CLIP3: variants seen among roughly 807,000 people sequenced by gnomAD.
CLIP3 encodes the protein CAP-Gly domain-containing linker protein 3.
In CLIP3, 15 loss-of-function variants were observed where a neutral mutation model predicts 59.4. That is an observed-to-expected ratio of 0.25 (90% CI 0.17 to 0.39). The LOEUF (loss-of-function observed/expected upper bound fraction) is 0.39, where lower values mean the gene tolerates loss of function less well. Among genes scored for constraint, CLIP3 ranks in the 10% least tolerant of loss-of-function variants. CLIP3 has a pLI of 1.00. For missense variants in CLIP3, 495 were observed against 765.7 expected, an observed-to-expected ratio of 0.65 and a Z score of 4.17; for synonymous variants, 300 against 321.6, an observed-to-expected ratio of 0.93 and a Z score of 0.72.
At position 36,026,573 on chromosome 19, in the gene CLIP3, C is replaced by A. The variant is rs773126376; in HGVS notation, c.562+13G>T. On this transcript the variant is annotated intron_variant, in intron 5 of 13. Transcript: ENST00000360535. The surrounding 1 kb of genome is among the most constrained non-coding windows in gnomAD (Gnocchi z 6.3). Reference sequence around the variant, plus strand: ...GGTCCTTGCCCCCTCCCAGCCAGGGCTCTCCTCCTCACCTCGCGGCCTCGC... The same window carrying A: ...GGTCCTTGCCCCCTCCCAGCCAGGGATCTCCTCCTCACCTCGCGGCCTCGC... 1 of 1,612,898 alleles carries A rather than the reference C, an allele frequency of 6.2e-7. No individual in the cohort carries two copies.
At chr19:36,027,864 T>C (rs1474796646) in intron 2 of CLIP3, among the ~76,000 whole-genome samples, 1 of 150,710 alleles carries the variant, frequency 6.6e-6, no homozygotes, top group African/African-American at 2.4e-5. Flanking sequence ...GCAAGACCCC[T>C]GTCTTTACAA....
chr19:36,017,453 G>A lies in CLIP3; in HGVS notation c.1452-3C>T, dbSNP rs1312375036. ...GGGAATCAGTGGATCCGCCAATCCT[G>A]AGGAGACACGGGGAGGGGGAGAAGT... On this transcript the variant is annotated splice_polypyrimidine_tract_variant and splice_region_variant and intron_variant, in intron 11 of 13. Coordinates refer to ENST00000360535, the MANE Select transcript of CLIP3 (RefSeq NM_015526.3). 6 of 1,614,130 alleles carry A rather than the reference G, an allele frequency of 3.7e-6. No homozygotes were observed. The highest frequency in any genetic ancestry group is 5.1e-6 in the Non-Finnish European group (6 of 1,180,016).
chr19:36,031,023 C>CTTT lies in CLIP3; in HGVS notation c.166+1166_166+1168dup, dbSNP rs55762943. 1.3e-3 allele frequency among the ~76,000 whole-genome samples: 108 copies of CTTT among 80,186 alleles called. 7 individuals carry two copies. Among genetic ancestry groups the CTTT allele is most frequent in the Middle Eastern group, 0.015 (2 of 130 alleles). 52.6% of individuals were successfully genotyped at this position (80,186 alleles called of 152,430 possible). A position where few individuals can be genotyped will look rare whatever the true frequency, so the allele number is the denominator to read the frequency against. On this transcript the variant is annotated intron_variant, in intron 2 of 13. Coordinates refer to ENST00000360535, the MANE Select transcript of CLIP3 (RefSeq NM_015526.3). ...TTTTTCTTTTCTTTTTTTTTTTTTT[C>CTTT]TTTTTTTTTTTTTTTTTTGAGACAG...
At chr19:36,024,279 G>A in intron 7 of CLIP3, 117 bp downstream of exon 7, 1 of 794,614 alleles carries the variant, frequency 1.3e-6, no homozygotes. Context: ...TGGATAGTTA[G>A]GGCGGCAAGT....
intron 7 of CLIP3, 65 bp from the exon 8 acceptor site, chr19:36,019,371 A>G: frequency 6.4e-7 from 1 of 1,550,566 alleles, no homozygotes; most frequent in Non-Finnish European, 8.7e-7. Context: ...GAGTGCCCAC[A>G]CACGGGCAGC....
rs1968767990 is a variant in CLIP3 at position 36,015,381 on chromosome 19, T to C, written c.*777A>G. ...AAGGGGGAAGTCGTTACTTAAAAAA[T>C]AGAGAATTTTCTGGGAGTCTGGCCA... On this transcript the variant is annotated 3_prime_UTR_variant, in exon 14 of 14. Transcript: ENST00000360535. The C allele has an allele frequency of 6.6e-6, 1 of 152,460 alleles. No individual in the cohort carries two copies. Among genetic ancestry groups the C allele is most frequent in the Non-Finnish European group, 1.5e-5 (1 of 68,024 alleles). The allele number at this position is 152,460 out of a possible 1,614,324, so 9.4% of individuals were successfully genotyped here.
rs1012982144 is a variant in CLIP3, at chr19:36,026,527, G to A, written c.562+59C>T. The A allele has an allele frequency of 6.8e-5, 108 of 1,599,448 alleles. No homozygotes were observed. The highest frequency in any genetic ancestry group is 8.5e-5 in the Non-Finnish European group (100 of 1,171,454). On this transcript the variant is annotated intron_variant, in intron 5 of 13. Coordinates refer to ENST00000360535, the MANE Select transcript of CLIP3 (RefSeq NM_015526.3). This position sits in a 1 kb window ranked among gnomAD's most constrained non-coding sequence, Gnocchi z 6.3. ...TCCCCTCGCAGCCTGGCCTCACCTG[G>A]GTCTCCGCGTCCCTCACCCAGGTCC...
intron 2 of CLIP3, among the ~76,000 whole-genome samples, chr19:36,030,388 T>C (rs1271169743): frequency 6.6e-6 from 1 of 152,152 alleles, no homozygotes; most frequent in Non-Finnish European, 1.5e-5. Flanking sequence ...GAAGTCAACT[T>C]GTAGTCTCCC....
At position 36,025,853 on chromosome 19, in the gene CLIP3, A is replaced by T. The variant is rs113386830; in HGVS notation, c.681+294T>A. Reference sequence around the variant, plus strand: ...TCTCATTCACAGAAGGCCTAGCCCAACTTTCCTCATGACCTTGAAATGCTG... The same window carrying T: ...TCTCATTCACAGAAGGCCTAGCCCATCTTTCCTCATGACCTTGAAATGCTG... On this transcript the variant is annotated intron_variant, in intron 6 of 13. Transcript: ENST00000360535. Among the ~76,000 whole-genome samples, 2 of 152,340 alleles carry T rather than the reference A, an allele frequency of 1.3e-5. 1 individual carries two copies. The highest frequency in any genetic ancestry group is 4.1e-4 in the South Asian group (2 of 4,826).
Position 36,032,462 on chromosome 19 carries a change from T to TCCAAGCCCCTAGGAGCTTCCAGGGC in CLIP3, c.-58-72_-58-48dup. ...AGAGGGTGCCCGGCAGGCTCCAGGG[T>TCCAAGCCCCTAGGAGCTTCCAGGGC]CCAAGCCCCTAGGAGCTTCCAGGGC... On this transcript the variant is annotated intron_variant, in intron 1 of 13. Coordinates refer to ENST00000360535, the MANE Select transcript of CLIP3 (RefSeq NM_015526.3). This position sits in a 1 kb window ranked among gnomAD's most constrained non-coding sequence, Gnocchi z 4.3. 1 of 497,426 alleles carries TCCAAGCCCCTAGGAGCTTCCAGGGC rather than the reference T, an allele frequency of 2.0e-6. No homozygotes were observed. The highest frequency in any genetic ancestry group is 3.2e-6 in the Non-Finnish European group (1 of 314,326). The allele number at this position is 497,426 out of a possible 1,614,324, so 30.8% of individuals were successfully genotyped here.
In CLIP3 at chr19:36,016,152, G is replaced by A. The variant is rs957933433; in HGVS notation, c.*6C>T. The A allele has an allele frequency of 3.1e-6, 5 of 1,613,824 alleles. No individual in the cohort carries two copies. Among genetic ancestry groups the A allele is most frequent in the Non-Finnish European group, 3.4e-6 (4 of 1,179,908 alleles). ...ACTCTGTCTCTTTGTCAGGTGTCCA[G>A]GGCCTCTAAGACTGCATCTCCGCCC... On this transcript the variant is annotated 3_prime_UTR_variant, in exon 14 of 14. Coordinates refer to ENST00000360535, the MANE Select transcript of CLIP3 (RefSeq NM_015526.3). The surrounding 1 kb of genome is among the most constrained non-coding windows in gnomAD (Gnocchi z 4.1).
chr19:36,023,083 T>C (rs1233312070), intron 7 of CLIP3, among the ~76,000 whole-genome samples: 1 of 151,708 alleles, frequency 6.6e-6, no homozygotes, highest in East Asian at 1.9e-4. Flanking sequence ...ATCATAATAA[T>C]AAAAATAAAC....
intron 2 of CLIP3, among the ~76,000 whole-genome samples, chr19:36,030,052 C>A (rs549988341): frequency 3.3e-4 from 50 of 152,154 alleles, no homozygotes; most frequent in African/African-American, 1.2e-3. Flanking sequence ...CAGATAACTT[C>A]CTTTTACTTT....
Position 36,021,169 on chromosome 19 carries a change from T to A in CLIP3, c.919-1863A>T, listed in dbSNP as rs553552754. ...GCTGGGATTACAGGTGTGAAGCCACTGTGCTCAGCCTGTTAGCTATTATCA... is the reference window on the plus strand; with the variant it reads ...GCTGGGATTACAGGTGTGAAGCCACAGTGCTCAGCCTGTTAGCTATTATCA... On this transcript the variant is annotated intron_variant, in intron 7 of 13. Coordinates refer to ENST00000360535, the MANE Select transcript of CLIP3 (RefSeq NM_015526.3). 2.6e-5 allele frequency among the ~76,000 whole-genome samples: 4 copies of A among 151,928 alleles called. No individual in the cohort carries two copies. In the Middle Eastern group the frequency reaches 0.014, roughly 520 times the overall value.
chr19:36,028,820 G>A (rs1029031419), intron 2 of CLIP3, among the ~76,000 whole-genome samples: 10 of 151,458 alleles, frequency 6.6e-5, no homozygotes, highest in Admixed American at 1.3e-4. Context: ...TCCCTCCCAC[G>A]TGCCAAGCAA....
intron 2 of CLIP3, among the ~76,000 whole-genome samples, chr19:36,031,016 T>C (rs1969246947): frequency 8.7e-6 from 1 of 114,296 alleles, no homozygotes; most frequent in African/African-American, 4.1e-5. Context: ...TTCTTTTTTT[T>C]TTTTTTCTTT....
rs71167588 is a variant in CLIP3, at chr19:36,028,996, C to CTT, written c.167-1727_167-1726dup. Among the ~76,000 whole-genome samples the CTT allele has an allele frequency of 6.7e-4, 44 of 65,274 alleles. 7 individuals carry two copies. Among genetic ancestry groups the CTT allele is most frequent in the African/African-American group, 2.5e-3 (38 of 15,182 alleles). The allele number at this position is 65,274 out of a possible 152,430, so 42.8% of individuals were successfully genotyped here. A position where few individuals can be genotyped will look rare whatever the true frequency, so the allele number is the denominator to read the frequency against. On this transcript the variant is annotated intron_variant, in intron 2 of 13. Transcript: ENST00000360535. ...CACCCGCCCTTCTCCATCTCCTACT[C>CTT]TTTTTTTTTTTTTTTTTTTTTTTTT...
At position 36,032,179 on chromosome 19, in the gene CLIP3, G is replaced by T; in HGVS notation, c.166+13C>A. 8.0e-7 allele frequency: 1 copy of T among 1,252,854 alleles called. No homozygotes were observed. The highest frequency in any genetic ancestry group is 1.0e-6 in the Non-Finnish European group (1 of 985,174). 77.6% of individuals were successfully genotyped at this position (1,252,854 alleles called of 1,614,324 possible). A position where few individuals can be genotyped will look rare whatever the true frequency, so the allele number is the denominator to read the frequency against. On this transcript the variant is annotated intron_variant, in intron 2 of 13. Transcript: ENST00000360535. This position sits in a 1 kb window ranked among gnomAD's most constrained non-coding sequence, Gnocchi z 4.3. Reference sequence around the variant, plus strand: ...CGCTCCAGGCCAGATTCCAGGGTGGGGACAGTGGTTACCGTAGTCCTTAGG... The same window carrying T: ...CGCTCCAGGCCAGATTCCAGGGTGGTGACAGTGGTTACCGTAGTCCTTAGG...
chr19:36,019,594 A>ATTTTTTTT (rs1568540443), intron 7 of CLIP3, among the ~76,000 whole-genome samples: 1 of 113,986 alleles, frequency 8.8e-6, no homozygotes, highest in South Asian at 2.6e-4. Context: ...TTATTTATTT[A>ATTTTTTTT]TTTATTTTAT....
Sources: gnomAD v4.1 joint callset for allele counts (sites outside exome capture counted in the v4.1 genomes callset) on GRCh38, gnomAD v4.1.1 for gene constraint, Gnocchi (gnomAD v3.1) non-coding constraint, MANE v1.5 for transcripts, NCBI Gene and HGNC (gene_info 2026-07-23, HGNC 2026-07-21) for gene names.